Variants in TENM2 observed in about 807,000 individuals in gnomAD.
TENM2 encodes the protein teneurin-2.
Under a neutral mutation model 245.2 loss-of-function variants are expected in TENM2, and 52 were observed. The observed-to-expected ratio is 0.21, with a 90% confidence interval of 0.17 to 0.27. The LOEUF (loss-of-function observed/expected upper bound fraction) is 0.27, where lower values mean the gene tolerates loss of function less well. TENM2 is among the 10% of genes least tolerant of loss of function. The pLI is 1.00. For synonymous variants in TENM2, 1,363 were observed against 1,438.9 expected, an observed-to-expected ratio of 0.95 and a Z score of 1.19; for missense variants, 3,046 against 3,666.8, an observed-to-expected ratio of 0.83 and a Z score of 4.37.
intron 2 of TENM2, chr5:167,821,006 C>G (rs1767478405): frequency 6.6e-6 from 1 of 152,116 alleles, no homozygotes; most frequent in Non-Finnish European, 1.5e-5. Flanking sequence ...TAAGCCTAGT[C>G]TTGGCCATAA....
intron 4 of TENM2, among the ~76,000 whole-genome samples, chr5:167,974,999 G>A (rs918982755): frequency 2.6e-5 from 4 of 152,238 alleles, no homozygotes; most frequent in African/African-American, 9.6e-5. Context: ...CCTTCAAGAT[G>A]TCTGGAAAGG....
the TENM2 span, among the ~76,000 whole-genome samples, chr5:167,027,025 G>A: frequency 2.0e-5 from 3 of 152,050 alleles, no homozygotes; most frequent in Non-Finnish European, 4.4e-5. Flanking sequence ...AACTTCTATC[G>A]TTGGAGTAAG....
At chr5:167,698,687 T>TTTG (rs1554102370) in intron 2 of TENM2, among the ~76,000 whole-genome samples, 3 of 141,484 alleles carry the variant, frequency 2.1e-5, no homozygotes, top group South Asian at 2.2e-4. Context: ...TTGTTTTTTT[T>TTTG]TTTTTTTTTT....
chr5:167,667,710 T>A (rs1739032340), intron 2 of TENM2, among the ~76,000 whole-genome samples: 1 of 152,214 alleles, frequency 6.6e-6, no homozygotes, highest in Non-Finnish European at 1.5e-5. Context: ...TAATGTCCAC[T>A]CCTGTTCTTT....
chr5:167,285,696 C>G (rs942260327), intron 1 of TENM2, among the ~76,000 whole-genome samples: 9 of 152,188 alleles, frequency 5.9e-5, no homozygotes, highest in Admixed American at 2.0e-4. Flanking sequence ...TAGAATAAAG[C>G]AAAGCAGTGC....
chr5:167,301,669 G>A (rs1421696226), intron 1 of TENM2, among the ~76,000 whole-genome samples: 1 of 152,150 alleles, frequency 6.6e-6, no homozygotes, highest in Non-Finnish European at 1.5e-5. Context: ...GTCTAGGGCT[G>A]TAAAGCGTCT....
chr5:167,154,878 G>A, the TENM2 span, among the ~76,000 whole-genome samples: 1 of 152,198 alleles, frequency 6.6e-6, no homozygotes, highest in African/African-American at 2.4e-5. Context: ...CACATAGAAA[G>A]TACTCAATAG....
chr5:167,639,742 C>A (rs1400257489), intron 2 of TENM2, among the ~76,000 whole-genome samples: 1 of 152,064 alleles, frequency 6.6e-6, no homozygotes, highest in Non-Finnish European at 1.5e-5. Context: ...TAAAAAAAAC[C>A]CATCACTCTC....
intron 3 of TENM2, among the ~76,000 whole-genome samples, chr5:167,889,844 G>T (rs1452549750): frequency 6.6e-6 from 1 of 152,190 alleles, no homozygotes; most frequent in Admixed American, 6.6e-5. Flanking sequence ...ACTAAAAACT[G>T]GTTAGAATAT....
the TENM2 span, among the ~76,000 whole-genome samples, chr5:167,220,842 TA>T: frequency 3.5e-3 from 516 of 149,494 alleles, 4 homozygotes; most frequent in African/African-American, 0.012. Context: ...TTTTTTTTTT[TA>T]AGACAGAGTC....
intron 3 of TENM2, among the ~76,000 whole-genome samples, chr5:167,939,810 G>T (rs40583): frequency 1.3e-5 from 2 of 152,162 alleles, no homozygotes; most frequent in East Asian, 3.9e-4. Context: ...CTACGCAGAT[G>T]AATCAGGATT....
intron 1 of TENM2, among the ~76,000 whole-genome samples, chr5:167,350,699 TATATGGATATATATATATGGGATATATAC>T (rs1561883552): frequency 3.0e-4 from 43 of 141,498 alleles, no homozygotes; most frequent in African/African-American, 1.1e-3. Flanking sequence ...ATGGGATACA[TATATGGATATATATATATGGGATATATAC>T]ATATGGATAT....
chr5:167,304,297 T>C (rs539358096), intron 1 of TENM2, among the ~76,000 whole-genome samples: 3 of 152,338 alleles, frequency 2.0e-5, no homozygotes, highest in African/African-American at 7.2e-5. Flanking sequence ...TGTATAACTC[T>C]TCCTTGTGTT....
At chr5:168,068,087 T>A (rs929076264) in intron 7 of TENM2, among the ~76,000 whole-genome samples, 6 of 152,092 alleles carry the variant, frequency 3.9e-5, no homozygotes, top group African/African-American at 1.4e-4. Flanking sequence ...GGTGGCATCC[T>A]AACAGGAGAC....
At chr5:167,710,301 G>A (rs572371428) in intron 2 of TENM2, among the ~76,000 whole-genome samples, 2 of 151,998 alleles carry the variant, frequency 1.3e-5, no homozygotes, top group South Asian at 2.1e-4. Flanking sequence ...AATTACACCA[G>A]GTACTAAAGT....
At chr5:167,095,175 TA>T in the TENM2 span, among the ~76,000 whole-genome samples, 1 of 152,138 alleles carries the variant, frequency 6.6e-6, no homozygotes. Flanking sequence ...AATGAGAAAT[TA>T]AGCACATACA....
chr5:167,121,490 A>G, the TENM2 span, among the ~76,000 whole-genome samples: 2 of 152,220 alleles, frequency 1.3e-5, no homozygotes, highest in Admixed American at 6.5e-5. Context: ...TTTGAGGAAT[A>G]GAAAGAAGGC....
chr5:167,184,158 T>C, the TENM2 span, among the ~76,000 whole-genome samples: 1 of 152,230 alleles, frequency 6.6e-6, no homozygotes, highest in Non-Finnish European at 1.5e-5. Flanking sequence ...TTTGAAGATA[T>C]CCGAGAAAAT....
chr5:166,987,748 C>T, the TENM2 span, among the ~76,000 whole-genome samples: 1 of 151,962 alleles, frequency 6.6e-6, no homozygotes, highest in Non-Finnish European at 1.5e-5. Flanking sequence ...GACTCCATGC[C>T]CCCAAGCTGT....
Sources: gnomAD v4.1 joint callset for allele counts (sites outside exome capture counted in the v4.1 genomes callset) on GRCh38, gnomAD v4.1.1 for gene constraint, MANE v1.5 for transcripts, NCBI Gene and HGNC (gene_info 2026-07-23, HGNC 2026-07-21) for gene names.